Variants in HSBP1 observed in about 807,000 individuals in gnomAD.
HSBP1 encodes heat shock factor-binding protein 1.
Under a neutral mutation model 9.6 loss-of-function variants are expected in HSBP1, and 5 were observed. That is an observed-to-expected ratio of 0.52 (90% CI 0.27 to 1.09). The LOEUF (loss-of-function observed/expected upper bound fraction) is 1.09, where lower values mean the gene tolerates loss of function less well. Among genes scored for constraint, HSBP1 ranks in the 50% least tolerant of loss-of-function variants. The pLI, the probability that HSBP1 is intolerant of heterozygous loss-of-function variation, is 0.11. For synonymous variants in HSBP1, 42 were observed against 33.3 expected, an observed-to-expected ratio of 1.26 and a Z score of -0.90; for missense variants, 121 against 96.3, an observed-to-expected ratio of 1.26 and a Z score of -1.07.
chr16:83,818,995 A>G lies in HSBP1; in HGVS notation c.*7577A>G, dbSNP rs1471484971. 2 of 151,402 alleles carry G rather than the reference A, an allele frequency of 1.3e-5. No individual in the cohort carries two copies. The highest frequency in any genetic ancestry group is 2.4e-5 in the African/African-American group (1 of 41,176). The allele number at this position is 151,402 out of a possible 1,614,324, so 9.4% of individuals were successfully genotyped here. On this transcript the variant is annotated 3_prime_UTR_variant, in exon 4 of 4. Coordinates refer to ENST00000433866, the MANE Select transcript of HSBP1 (RefSeq NM_001537.4). ...CCCAGGCCCTACCTAGCCCTACTGA[A>G]TCAGAGACCCTGGGAGGGAGGTCCA... is the stretch of plus-strand genomic sequence containing the variant.
intron 2 of HSBP1, 66 bp downstream of exon 2, chr16:83,808,812 G>T: frequency 2.6e-6 from 3 of 1,132,854 alleles, no homozygotes; most frequent in South Asian, 2.6e-5. Flanking sequence ...GCAGTGGTGG[G>T]GATAAATGAG....
Position 83,808,790 on chromosome 16 carries a change from C to A in HSBP1, c.112+44C>A, listed in dbSNP as rs1234357129. 4.8e-6 allele frequency: 7 copies of A among 1,460,630 alleles called. No individual in the cohort carries two copies. The East Asian group carries it at 1.6e-4, about 34-fold the overall frequency. The allele number at this position is 1,460,630 out of a possible 1,614,324, so 90.5% of individuals were successfully genotyped here. ...GTCGGCCTCCTGTGGGCCTTTGGAG[C>A]CTATTTGCCGGGCAGTGGTGGGGAT... On this transcript the variant is annotated intron_variant, in intron 2 of 3. Coordinates refer to ENST00000433866, the MANE Select transcript of HSBP1 (RefSeq NM_001537.4).
At position 83,819,534 on chromosome 16, in the gene HSBP1, C is replaced by T. The variant is rs939799885; in HGVS notation, c.*8116C>T. 2 of 152,160 alleles carry T rather than the reference C, an allele frequency of 1.3e-5. No individual in the cohort carries two copies. The highest frequency in any genetic ancestry group is 4.8e-5 in the African/African-American group (2 of 41,428). 9.4% of individuals were successfully genotyped at this position (152,160 alleles called of 1,614,324 possible). A position where few individuals can be genotyped will look rare whatever the true frequency, so the allele number is the denominator to read the frequency against. ...GCCCTGACGCCATGAAGACTTGAAT[C>T]ACTTTAAAGCAATTTGCTTCTTATT... On this transcript the variant is annotated 3_prime_UTR_variant, in exon 4 of 4. Transcript: ENST00000433866.
At position 83,809,115 on chromosome 16, in the gene HSBP1, G is replaced by C. The variant is rs1904535284; in HGVS notation, c.113-190G>C. ...GGGGTTCCATCACTAGTAAGGGTCA[G>C]GGCTGGAATCCGATGCGGGGTAGCC... is the stretch of plus-strand genomic sequence containing the variant. On this transcript the variant is annotated intron_variant, in intron 2 of 3. Coordinates refer to ENST00000433866, the MANE Select transcript of HSBP1 (RefSeq NM_001537.4). 4 of 570,678 alleles carry C rather than the reference G, an allele frequency of 7.0e-6. No homozygotes were observed. In the South Asian group the frequency reaches 9.1e-5, roughly 13 times the overall value. The allele number at this position is 570,678 out of a possible 1,614,324, so 35.4% of individuals were successfully genotyped here.
chr16:83,810,591 A>G (rs1426401781), intron 3 of HSBP1, among the ~76,000 whole-genome samples: 2 of 141,026 alleles, frequency 1.4e-5, no homozygotes, highest in African/African-American at 5.2e-5. Context: ...GCACTTTGGG[A>G]GGCAAAGGCA....
In HSBP1 at chr16:83,818,250, A is replaced by G. The variant is rs1037405725; in HGVS notation, c.*6832A>G. 2.6e-5 allele frequency: 4 copies of G among 152,082 alleles called. No homozygotes were observed. The highest frequency in any genetic ancestry group is 9.7e-5 in the African/African-American group (4 of 41,382). 9.4% of individuals were successfully genotyped at this position (152,082 alleles called of 1,614,324 possible). On this transcript the variant is annotated 3_prime_UTR_variant, in exon 4 of 4. Coordinates refer to ENST00000433866, the MANE Select transcript of HSBP1 (RefSeq NM_001537.4). The stretch of plus-strand genomic sequence containing the variant: ...GCGAGGAAGATTCTTTTCCTGGGCC[A>G]CTCTCATTTTCTCAAACTTGGACAA...
chr16:83,817,418 A>T lies in HSBP1; in HGVS notation c.*6000A>T, dbSNP rs1373586836. On this transcript the variant is annotated 3_prime_UTR_variant, in exon 4 of 4. Coordinates refer to ENST00000433866, the MANE Select transcript of HSBP1 (RefSeq NM_001537.4). ...CCGGATTCAGCTTCAGATCTGCCTG[A>T]CATTTTTCCTGCCTGTCCTGGGCCA... is the stretch of plus-strand genomic sequence containing the variant. The T allele has an allele frequency of 1.3e-5, 2 of 152,224 alleles. No individual in the cohort carries two copies. The highest frequency in any genetic ancestry group is 2.9e-5 in the Non-Finnish European group (2 of 68,046). 9.4% of individuals were successfully genotyped at this position (152,224 alleles called of 1,614,324 possible). A position where few individuals can be genotyped will look rare whatever the true frequency, so the allele number is the denominator to read the frequency against.
chr16:83,811,511 G>A lies in HSBP1; in HGVS notation c.*93G>A, dbSNP rs1370404814. On this transcript the variant is annotated 3_prime_UTR_variant, in exon 4 of 4. Coordinates refer to ENST00000433866, the MANE Select transcript of HSBP1 (RefSeq NM_001537.4). Reference sequence around the variant, plus strand: ...GCAGCTAACTACTATGTGTAGACAGGTTTTATATTATAAAGTATGCATTCT... The same window carrying A: ...GCAGCTAACTACTATGTGTAGACAGATTTTATATTATAAAGTATGCATTCT... 2.0e-5 allele frequency: 3 copies of A among 152,152 alleles called. No homozygotes were observed. Among genetic ancestry groups the A allele is most frequent in the African/African-American group, 4.8e-5 (2 of 41,428 alleles). The allele number at this position is 152,152 out of a possible 1,614,324, so 9.4% of individuals were successfully genotyped here. A position where few individuals can be genotyped will look rare whatever the true frequency, so the allele number is the denominator to read the frequency against.
chr16:83,813,874 T>A lies in HSBP1; in HGVS notation c.*2456T>A, dbSNP rs1013720137. On this transcript the variant is annotated 3_prime_UTR_variant, in exon 4 of 4. Transcript: ENST00000433866. ...AAAATATTTCAATCTTATTTTCATA[T>A]CAATTTTTTCTTTGTTTCACTACAA... 7.0e-6 allele frequency: 1 copy of A among 143,032 alleles called. No individual in the cohort carries two copies. Among genetic ancestry groups the A allele is most frequent in the Admixed American group, 7.0e-5 (1 of 14,328 alleles). 8.9% of individuals were successfully genotyped at this position (143,032 alleles called of 1,614,324 possible).
chr16:83,814,156 TGGA>T lies in HSBP1; in HGVS notation c.*2742_*2744del, dbSNP rs1233996267. On this transcript the variant is annotated 3_prime_UTR_variant, in exon 4 of 4. Transcript: ENST00000433866. ...ATTATATATTTTGATTAGATTAAAA[TGGA>T]GGAATTTGCAGGATGTGTTGTCATA... 6.6e-6 allele frequency: 1 copy of T among 152,218 alleles called. No homozygotes were observed. Among genetic ancestry groups the T allele is most frequent in the African/African-American group, 2.4e-5 (1 of 41,460 alleles). 9.4% of individuals were successfully genotyped at this position (152,218 alleles called of 1,614,324 possible). A position where few individuals can be genotyped will look rare whatever the true frequency, so the allele number is the denominator to read the frequency against.
rs1904672253 is a variant in HSBP1, at chr16:83,814,423, C to G, written c.*3005C>G. The G allele has an allele frequency of 6.6e-6, 1 of 151,850 alleles. No homozygotes were observed. 9.4% of individuals were successfully genotyped at this position (151,850 alleles called of 1,614,324 possible). On this transcript the variant is annotated 3_prime_UTR_variant, in exon 4 of 4. Coordinates refer to ENST00000433866, the MANE Select transcript of HSBP1 (RefSeq NM_001537.4). ...TAATGATGACCCTGGAATGTCCTCA[C>G]AGCTGCACACCTGCACCGCTCACAA...
At chr16:83,809,782 G>A (rs1426029125) in intron 3 of HSBP1, among the ~76,000 whole-genome samples, 2 of 151,274 alleles carry the variant, frequency 1.3e-5, no homozygotes, top group East Asian at 3.9e-4. Context: ...TTTTTATTTT[G>A]TCTTAAAAGA....
At position 83,812,579 on chromosome 16, in the gene HSBP1, T is replaced by A. The variant is rs1482830694; in HGVS notation, c.*1161T>A. ...ACATGATTTTTTTAAGTTTCTCATC[T>A]CACCAGTCTTGGTGTTTATATTGCA... On this transcript the variant is annotated 3_prime_UTR_variant, in exon 4 of 4. Transcript: ENST00000433866. The A allele has an allele frequency of 6.6e-6, 1 of 152,198 alleles. No homozygotes were observed. The highest frequency in any genetic ancestry group is 1.5e-5 in the Non-Finnish European group (1 of 68,048). 9.4% of individuals were successfully genotyped at this position (152,198 alleles called of 1,614,324 possible). A position where few individuals can be genotyped will look rare whatever the true frequency, so the allele number is the denominator to read the frequency against.
Position 83,808,083 on chromosome 16 carries a change from G to A in HSBP1, c.7G>A (p.Glu3Lys), listed in dbSNP as rs1304656329. MA[E>K]TDPKTVQDLT... ...CAAGCTGGGCATCGGGGAGATGGCC[G>A]AGACTGACCCCAAGACCGTGCAGGA... The change falls in exon 1 of 4, where the codon GAG (glutamate) becomes AAG (lysine). Residue 3 changes from glutamate (E) to lysine (K), a missense_variant. Glu to Lys is a moderately conservative substitution (Grantham distance 56). Transcript: ENST00000433866. 7.8e-6 allele frequency: 12 copies of A among 1,545,808 alleles called. No homozygotes were observed. The highest frequency in any genetic ancestry group is 1.2e-5 in the South Asian group (1 of 83,952).
chr16:83,808,512 A>G, intron 1 of HSBP1, 168 bp from the exon 2 acceptor site: 3 of 602,498 alleles, frequency 5.0e-6, no homozygotes, highest in Middle Eastern at 5.2e-4. Flanking sequence ...GTCTAATTGG[A>G]CAGGTTGGAA....
chr16:83,814,944 G>T lies in HSBP1; in HGVS notation c.*3526G>T, dbSNP rs1240296201. On this transcript the variant is annotated 3_prime_UTR_variant, in exon 4 of 4. Transcript: ENST00000433866. ...TTATTGCTTGAGGCCCAACCCGGGGGATAAAAAGACACCCCCCCGCCACTC... is the reference window on the plus strand; with the variant it reads ...TTATTGCTTGAGGCCCAACCCGGGGTATAAAAAGACACCCCCCCGCCACTC... 6.9e-6 allele frequency: 1 copy of T among 145,134 alleles called. No homozygotes were observed. Among genetic ancestry groups the T allele is most frequent in the African/African-American group, 2.5e-5 (1 of 40,014 alleles). The allele number at this position is 145,134 out of a possible 1,614,324, so 9.0% of individuals were successfully genotyped here. A position where few individuals can be genotyped will look rare whatever the true frequency, so the allele number is the denominator to read the frequency against.
chr16:83,810,346 A>G (rs1904571913), intron 3 of HSBP1, among the ~76,000 whole-genome samples: 1 of 152,100 alleles, frequency 6.6e-6, no homozygotes, highest in Non-Finnish European at 1.5e-5. Context: ...AGCAGAGTGC[A>G]TGGTGATCCT....
rs921858155 is a variant in HSBP1, at chr16:83,816,225, C to T, written c.*4807C>T. The T allele has an allele frequency of 1.3e-5, 2 of 152,004 alleles. No homozygotes were observed. Among genetic ancestry groups the T allele is most frequent in the Non-Finnish European group, 2.9e-5 (2 of 68,028 alleles). The allele number at this position is 152,004 out of a possible 1,614,324, so 9.4% of individuals were successfully genotyped here. The stretch of plus-strand genomic sequence containing the variant: ...ACCAGCCTGGCCAACATGGCGAAAC[C>T]CCCGTCTCTACTAAAAATACAAAAA... On this transcript the variant is annotated 3_prime_UTR_variant, in exon 4 of 4. Coordinates refer to ENST00000433866, the MANE Select transcript of HSBP1 (RefSeq NM_001537.4).
rs1904679528 is a variant in HSBP1, at chr16:83,814,701, C to T, written c.*3283C>T. 1 of 152,238 alleles carries T rather than the reference C, an allele frequency of 6.6e-6. No individual in the cohort carries two copies. The highest frequency in any genetic ancestry group is 1.5e-5 in the Non-Finnish European group (1 of 68,040). The allele number at this position is 152,238 out of a possible 1,614,324, so 9.4% of individuals were successfully genotyped here. A position where few individuals can be genotyped will look rare whatever the true frequency, so the allele number is the denominator to read the frequency against. ...GACCTAAAATTAAGTAATAAACACA[C>T]TGGATGTGAGTTTTTATTTGGAATT... On this transcript the variant is annotated 3_prime_UTR_variant, in exon 4 of 4. Coordinates refer to ENST00000433866, the MANE Select transcript of HSBP1 (RefSeq NM_001537.4).
Sources: allele counts gnomAD v4.1 joint callset (sites outside exome capture counted in the v4.1 genomes callset), GRCh38; gene constraint gnomAD v4.1.1; transcripts MANE v1.5; gene names NCBI Gene and HGNC (gene_info 2026-07-23, HGNC 2026-07-21).